Variants in TCF4 observed in about 807,000 individuals in gnomAD.
TCF4 encodes the protein SL3-3 enhancer factor 2.
Under a neutral mutation model 82.1 loss-of-function variants are expected in TCF4, and 3 were observed. That is an observed-to-expected ratio of 0.04 (90% CI 0.02 to 0.09). The LOEUF is 0.09. Ranked by LOEUF, TCF4 falls within the 10% of genes least tolerant of loss-of-function variation. TCF4 has a pLI of 1.00. For synonymous variants in TCF4, 276 were observed against 309.6 expected (o/e 0.89, Z 1.14); for missense variants, 518 against 852.7 (o/e 0.61, Z 4.89).
At chr18:55,289,629 G>A (rs2064543399) in intron 8 of TCF4, among the ~76,000 whole-genome samples, 1 of 152,064 alleles carries the variant, frequency 6.6e-6, no homozygotes, top group African/African-American at 2.4e-5. Flanking sequence ...AGGAGGTGCT[G>A]GAACATCAAA....
chr18:55,631,862 A>G (rs1411625827), intron 1 of TCF4, among the ~76,000 whole-genome samples: 2 of 152,184 alleles, frequency 1.3e-5, no homozygotes, highest in African/African-American at 4.8e-5. Context: ...ACTCTGCTCA[A>G]AGGTATTAAT....
intron 8 of TCF4, chr18:55,302,559 G>A: frequency 6.5e-7 from 1 of 1,535,264 alleles, no homozygotes. Flanking sequence ...CAAGGAGCAA[G>A]CAGGACCACA....
At chr18:55,321,854 C>T in intron 8 of TCF4, 2 of 1,471,526 alleles carry the variant, frequency 1.4e-6, no homozygotes, top group East Asian at 2.5e-5. Flanking sequence ...CCGGGCCAAG[C>T]GTGGTGAATA....
chr18:55,268,802 T>C (rs1350805331), intron 11 of TCF4: 1 of 152,102 alleles, frequency 6.6e-6, no homozygotes, highest in Non-Finnish European at 1.5e-5. Flanking sequence ...CATTATTCTG[T>C]TGCGCCATCT....
intron 3 of TCF4, chr18:55,510,559 C>A (rs1206542695): frequency 2.0e-6 from 3 of 1,470,458 alleles, no homozygotes; most frequent in South Asian, 2.6e-5. Flanking sequence ...TTTTAAAATA[C>A]AAGTTACATA....
chr18:55,414,730 T>C (rs1482820879), intron 5 of TCF4, among the ~76,000 whole-genome samples: 1 of 152,198 alleles, frequency 6.6e-6, no homozygotes. Context: ...TTGTATAGTT[T>C]AGTCCTGTGT....
chr18:55,396,688 C>T (rs898332979), intron 6 of TCF4, among the ~76,000 whole-genome samples: 1 of 152,184 alleles, frequency 6.6e-6, no homozygotes, highest in African/African-American at 2.4e-5. Context: ...AACATGCCTA[C>T]AATTACCTCC....
intron 8 of TCF4, among the ~76,000 whole-genome samples, chr18:55,302,980 C>T (rs1387115486): frequency 6.6e-6 from 1 of 152,186 alleles, no homozygotes; most frequent in Non-Finnish European, 1.5e-5. Context: ...TTGTCAAAAG[C>T]ATCCCATCCA....
chr18:55,295,141 C>G (rs1243475131), intron 8 of TCF4, among the ~76,000 whole-genome samples: 3 of 152,184 alleles, frequency 2.0e-5, no homozygotes, highest in Non-Finnish European at 2.9e-5. Context: ...CACCTGCCCC[C>G]TAATTCTTTC....
intron 3 of TCF4, among the ~76,000 whole-genome samples, chr18:55,535,765 G>A (rs1236002740): frequency 6.6e-6 from 1 of 152,200 alleles, no homozygotes; most frequent in Non-Finnish European, 1.5e-5. Context: ...TAGGTAGAGA[G>A]TTAAACAAAT....
intron 8 of TCF4, among the ~76,000 whole-genome samples, chr18:55,337,499 T>G (rs755939489): frequency 6.6e-6 from 1 of 152,196 alleles, no homozygotes; most frequent in Admixed American, 6.5e-5. Context: ...CTAGAAATTC[T>G]ACCAAACTCT....
chr18:55,406,255 G>A (rs2094082362), intron 5 of TCF4, among the ~76,000 whole-genome samples: 1 of 150,914 alleles, frequency 6.6e-6, no homozygotes, highest in African/African-American at 2.4e-5. Context: ...GATAGTGTAA[G>A]CTTTTAACTT....
intron 16 of TCF4, 47 bp from the exon 17 acceptor site, chr18:55,232,718 G>A (rs1427902836): frequency 1.2e-6 from 2 of 1,609,300 alleles, no homozygotes; most frequent in African/African-American, 2.7e-5. Flanking sequence ...CAATCTCACT[G>A]CCTGCACACC....
chr18:55,602,906 T>C (rs1282671173), intron 2 of TCF4, among the ~76,000 whole-genome samples: 1 of 152,140 alleles, frequency 6.6e-6, no homozygotes. Flanking sequence ...CATTGTCTAC[T>C]AAAGGCAAAA....
At chr18:55,327,554 C>T (rs185250796) in intron 8 of TCF4, among the ~76,000 whole-genome samples, 335 of 152,050 alleles carry the variant, frequency 2.2e-3, no homozygotes, top group Admixed American at 3.5e-3. Flanking sequence ...TTTTATATGG[C>T]CTGGGTTCAT....
At chr18:55,536,917 G>A (rs919959315) in intron 3 of TCF4, among the ~76,000 whole-genome samples, 3 of 150,754 alleles carry the variant, frequency 2.0e-5, no homozygotes, top group Non-Finnish European at 4.4e-5. Context: ...GGCAGATCAC[G>A]AGGTCAGGAG....
intron 3 of TCF4, among the ~76,000 whole-genome samples, chr18:55,580,525 G>A (rs1344814989): frequency 6.6e-6 from 1 of 151,890 alleles, no homozygotes; most frequent in Non-Finnish European, 1.5e-5. Context: ...AAAGATATGA[G>A]AAAGACATAT....
intron 3 of TCF4, among the ~76,000 whole-genome samples, chr18:55,466,199 G>A (rs957285396): frequency 2.0e-5 from 3 of 152,126 alleles, no homozygotes; most frequent in Non-Finnish European, 4.4e-5. Context: ...GCTCTCCACA[G>A]TAAGAAATAC....
At chr18:55,452,943 A>G (rs567173872) in intron 5 of TCF4, among the ~76,000 whole-genome samples, 1 of 152,282 alleles carries the variant, frequency 6.6e-6, no homozygotes, top group South Asian at 2.1e-4. Flanking sequence ...ATATATTTTT[A>G]TTACATGAAA....
Sources: allele counts gnomAD v4.1 joint callset (sites outside exome capture counted in the v4.1 genomes callset), GRCh38; gene constraint gnomAD v4.1.1; transcripts MANE v1.5; gene names NCBI Gene and HGNC (gene_info 2026-07-23, HGNC 2026-07-21).